The following GARRE1 variants were observed in gnomAD, a reference collection of about 807,000 sequenced individuals.
The protein encoded by GARRE1 is granule associated Rac and RHOG effector protein 1.
GARRE1 carries 49 observed loss-of-function variants against 103.2 expected under a neutral mutation model. The ratio of observed to expected loss-of-function variants is 0.47; its 90% CI spans 0.38 to 0.60. GARRE1 has a LOEUF of 0.60. Ranked by LOEUF, GARRE1 falls within the 20% of genes least tolerant of loss-of-function variation. GARRE1 has a pLI of 0.00. For synonymous variants in GARRE1, 505 were observed against 532.8 expected, an observed-to-expected ratio of 0.95 and a Z score of 0.72; for missense variants, 1,199 against 1,370.5, an observed-to-expected ratio of 0.87 and a Z score of 1.98.
intron 8 of GARRE1, among the ~76,000 whole-genome samples, chr19:34,339,094 G>T (rs1344253375): frequency 1.3e-5 from 2 of 152,148 alleles, no homozygotes; most frequent in African/African-American, 4.8e-5. Context: ...TGTAAGTTTT[G>T]GGGTAGACAG....
intron 1 of GARRE1, among the ~76,000 whole-genome samples, chr19:34,276,294 C>T (rs1259967587): frequency 6.6e-6 from 1 of 152,148 alleles, no homozygotes; most frequent in Non-Finnish European, 1.5e-5. Context: ...CTGCCTGCCT[C>T]GGCCTCCCAA....
chr19:34,261,655 A>T (rs145145907), intron 1 of GARRE1, among the ~76,000 whole-genome samples: 6 of 152,202 alleles, frequency 3.9e-5, no homozygotes, highest in Non-Finnish European at 8.8e-5. Context: ...GGGCAGGGGC[A>T]TGACACGTCC....
intron 11 of GARRE1, chr19:34,348,777 T>C (rs1310684148): frequency 6.0e-6 from 3 of 501,354 alleles, no homozygotes; most frequent in Non-Finnish European, 1.1e-5. Flanking sequence ...CCTTGCTTTT[T>C]CTAAAACAAA....
At chr19:34,257,233 T>C (rs910558198) in intron 1 of GARRE1, among the ~76,000 whole-genome samples, 7 of 152,108 alleles carry the variant, frequency 4.6e-5, no homozygotes, top group Admixed American at 2.6e-4. Flanking sequence ...GTTGAAAACC[T>C]ATAGCCTAAT....
rs2074242592 is a variant in GARRE1 at position 34,352,365 on chromosome 19, GCA to G, written c.2905-280_2905-279del. Among the ~76,000 whole-genome samples, 22 of 150,074 alleles carry G rather than the reference GCA, an allele frequency of 1.5e-4. No individual in the cohort carries two copies. In the South Asian group the frequency reaches 4.6e-3, roughly 32 times the overall value. ...TGCAGTGAGCCGAGATCGTACCACTGCACTCCAGCCTGGGCGAGAGACAGACT... is the reference window on the plus strand; with the variant it reads ...TGCAGTGAGCCGAGATCGTACCACTGCTCCAGCCTGGGCGAGAGACAGACT... On this transcript the variant is annotated intron_variant, in intron 13 of 13. Coordinates refer to ENST00000299505, the MANE Select transcript of GARRE1 (RefSeq NM_014686.5).
chr19:34,342,473 TC>T lies in GARRE1; in HGVS notation c.2521+21del. 1.3e-6 allele frequency: 2 copies of T among 1,589,942 alleles called. No individual in the cohort carries two copies. The highest frequency in any genetic ancestry group is 1.7e-6 in the Non-Finnish European group (2 of 1,165,660). On this transcript the variant is annotated intron_variant, in intron 10 of 13. Coordinates refer to ENST00000299505, the MANE Select transcript of GARRE1 (RefSeq NM_014686.5). ...TCCTGCAGGTATGTGAGGCCTCCCATCCCTCGCCCAGTGTCAACAGCAAATG... is the reference window on the plus strand; with the variant it reads ...TCCTGCAGGTATGTGAGGCCTCCCATCCTCGCCCAGTGTCAACAGCAAATG...
chr19:34,282,483 G>A (rs185323281), intron 1 of GARRE1, among the ~76,000 whole-genome samples: 21 of 152,144 alleles, frequency 1.4e-4, no homozygotes, highest in Middle Eastern at 3.2e-3. Context: ...TTCCAACACT[G>A]TCTGAGGAAT....
intron 1 of GARRE1, chr19:34,265,635 C>T (rs2073746858): frequency 6.6e-6 from 1 of 152,172 alleles, no homozygotes; most frequent in Non-Finnish European, 1.5e-5. Flanking sequence ...AGTTTTATTT[C>T]TGAAAGTTGT....
chr19:34,346,251 T>C (rs1404409378), intron 10 of GARRE1, among the ~76,000 whole-genome samples: 1 of 152,208 alleles, frequency 6.6e-6, no homozygotes, highest in Non-Finnish European at 1.5e-5. Context: ...GCATGGATGC[T>C]TTCCTGCCAT....
At chr19:34,344,516 G>A (rs1466454582) in intron 10 of GARRE1, among the ~76,000 whole-genome samples, 1 of 149,990 alleles carries the variant, frequency 6.7e-6, no homozygotes, top group Non-Finnish European at 1.5e-5. Flanking sequence ...GCGTGAACCC[G>A]GGAGGCGGAG....
chr19:34,340,008 T>A lies in GARRE1; in HGVS notation c.1487+16T>A, dbSNP rs780234633. 6.2e-7 allele frequency: 1 copy of A among 1,613,816 alleles called. No homozygotes were observed. The highest frequency in any genetic ancestry group is 1.1e-5 in the South Asian group (1 of 91,076). On this transcript the variant is annotated intron_variant, in intron 9 of 13. Transcript: ENST00000299505. ...GGGCTGGAAGGTTGGTGTCTGTGGTTTGCATTAGATGCATACCGAGGGACA... is the reference window on the plus strand; with the variant it reads ...GGGCTGGAAGGTTGGTGTCTGTGGTATGCATTAGATGCATACCGAGGGACA...
At chr19:34,352,496 C>T in intron 13 of GARRE1, 151 bp from the exon 14 acceptor site, 1 of 664,046 alleles carries the variant, frequency 1.5e-6, no homozygotes, top group Non-Finnish European at 2.7e-6. Context: ...ACATGGCTAT[C>T]ATTGCAAGAA....
chr19:34,299,631 A>G (rs2073966142), intron 1 of GARRE1, 48 bp from the exon 2 acceptor site: 1 of 152,240 alleles, frequency 6.6e-6, no homozygotes, highest in African/African-American at 2.4e-5. Context: ...GTTATTGTCC[A>G]GAATTACTGT....
At position 34,328,261 on chromosome 19, in the gene GARRE1, C is replaced by T. The variant is rs537114101; in HGVS notation, c.1104+110C>T. The T allele has an allele frequency of 1.2e-4, 154 of 1,259,950 alleles. No individual in the cohort carries two copies. In the African/African-American group the frequency reaches 2.1e-3, roughly 17 times the overall value. 78.0% of individuals were successfully genotyped at this position (1,259,950 alleles called of 1,614,324 possible). A position where few individuals can be genotyped will look rare whatever the true frequency, so the allele number is the denominator to read the frequency against. ...AGATTAAAAAAAAAATGGGGCCGGG[C>T]GTGGTGGCTCACGCCTGTAATCCTA... On this transcript the variant is annotated intron_variant, in intron 6 of 13. Transcript: ENST00000299505.
At chr19:34,309,240 C>G (rs1270401124) in intron 2 of GARRE1, among the ~76,000 whole-genome samples, 1 of 152,018 alleles carries the variant, frequency 6.6e-6, no homozygotes, top group East Asian at 1.9e-4. Context: ...CTGATTTGTT[C>G]AACAAGTCAG....
At chr19:34,260,531 TTTTTA>T (rs1416926638) in intron 1 of GARRE1, among the ~76,000 whole-genome samples, 3 of 152,222 alleles carry the variant, frequency 2.0e-5, no homozygotes, top group Admixed American at 6.5e-5. Context: ...CATTTTTTTA[TTTTTA>T]TTTTATTATT....
intron 1 of GARRE1, among the ~76,000 whole-genome samples, chr19:34,266,350 T>C (rs1274631142): frequency 6.6e-6 from 1 of 152,212 alleles, no homozygotes; most frequent in Non-Finnish European, 1.5e-5. Context: ...GCTTCCTGGC[T>C]GTGACTCTGA....
intron 2 of GARRE1, among the ~76,000 whole-genome samples, chr19:34,318,414 G>A (rs2074069731): frequency 6.6e-6 from 1 of 152,234 alleles, no homozygotes; most frequent in Non-Finnish European, 1.5e-5. Flanking sequence ...AATGGCTATA[G>A]TTCCCTGACC....
Position 34,353,058 on chromosome 19 carries a change from G to A in GARRE1, c.*103G>A. On this transcript the variant is annotated 3_prime_UTR_variant, in exon 14 of 14. Coordinates refer to ENST00000299505, the MANE Select transcript of GARRE1 (RefSeq NM_014686.5). ...ACTTAGCTGACACCAGCCCCTCAGAGGACCAGTGCGCCCCATCCCAGGGAG... is the reference window on the plus strand; with the variant it reads ...ACTTAGCTGACACCAGCCCCTCAGAAGACCAGTGCGCCCCATCCCAGGGAG... 9.1e-7 allele frequency: 1 copy of A among 1,101,684 alleles called. No individual in the cohort carries two copies. The highest frequency in any genetic ancestry group is 1.3e-6 in the Non-Finnish European group (1 of 787,254). 68.2% of individuals were successfully genotyped at this position (1,101,684 alleles called of 1,614,324 possible). A position where few individuals can be genotyped will look rare whatever the true frequency, so the allele number is the denominator to read the frequency against.
Sources: allele counts gnomAD v4.1 joint callset (sites outside exome capture counted in the v4.1 genomes callset), GRCh38; gene constraint gnomAD v4.1.1; transcripts MANE v1.5; gene names NCBI Gene and HGNC (gene_info 2026-07-23, HGNC 2026-07-21).